ADCY6: variants seen among roughly 807,000 people sequenced by gnomAD.
ADCY6 encodes the protein adenylate cyclase 6, also known as adenylate cyclase type 6.
In ADCY6, 59 loss-of-function variants were observed where a neutral mutation model predicts 111.6. That is an observed-to-expected ratio of 0.53 (90% CI 0.43 to 0.66). The LOEUF (loss-of-function observed/expected upper bound fraction) is 0.66. Ranked by LOEUF, ADCY6 falls within the 30% of genes least tolerant of loss-of-function variation. ADCY6 has a pLI of 0.00. For synonymous variants in ADCY6, 576 were observed against 642.9 expected (o/e 0.90, Z 1.57); for missense variants, 1,242 against 1,595.6 (o/e 0.78, Z 3.78).
chr12:48,768,534 C>CA lies in ADCY6; in HGVS notation c.*56dup, dbSNP rs1160482727. On this transcript the variant is annotated 3_prime_UTR_variant, in exon 22 of 22. Transcript: ENST00000357869. ...CTGCCACAGCTCCACCCAGTGAGCA[C>CA]AGAGTCCACTCAATGCCCACCTTGG... The CA allele has an allele frequency of 5.6e-6, 9 of 1,613,036 alleles. No individual in the cohort carries two copies. The Admixed American group carries it at 1.5e-4, about 27-fold the overall frequency.
chr12:48,770,012 C>T (rs1941489734), intron 20 of ADCY6, among the ~76,000 whole-genome samples: 1 of 151,540 alleles, frequency 6.6e-6, no homozygotes, highest in African/African-American at 2.4e-5. Context: ...CCGCCTGCCT[C>T]GGACTCCCAA....
intron 21 of ADCY6, 103 bp from the exon 22 acceptor site, chr12:48,768,819 C>G: frequency 6.4e-7 from 1 of 1,554,898 alleles, no homozygotes. Context: ...CCCCCAGTCC[C>G]TGCCCCACCA....
In ADCY6 at chr12:48,783,317, T is replaced by C. The variant is rs770519268; in HGVS notation, c.118A>G (p.Thr40Ala). 2.7e-5 allele frequency: 44 copies of C among 1,613,612 alleles called. No individual in the cohort carries two copies. The highest frequency in any genetic ancestry group is 3.2e-5 in the Non-Finnish European group (38 of 1,179,914). ...CGGAGGCAGCTCATATAGCGGGGCG[T>C]GCAGAAGCCACCTGCCCGAGTGCCA... ...RRGTRAGGFC[T>A]PRYMSCLRDA... is the part of the protein sequence containing the mutation. The change falls in exon 2 of 22, where the codon ACG (threonine) becomes GCG (alanine). Residue 40 changes from threonine (T) to alanine (A), a missense_variant. Physicochemically the swap from Thr to Ala is moderately conservative, Grantham distance 58. Coordinates refer to ENST00000357869, the MANE Select transcript of ADCY6 (RefSeq NM_015270.5).
At chr12:48,789,412 C>T (rs1413674006), upstream of ADCY6, among the ~76,000 whole-genome samples, 2 of 152,042 alleles carry the variant, frequency 1.3e-5, no homozygotes, top group East Asian at 3.9e-4. Context: ...TCCGGCATTC[C>T]TCTCCCGCCC....
intron 9 of ADCY6, 120 bp from the exon 10 acceptor site, chr12:48,775,818 G>T: frequency 6.6e-7 from 1 of 1,511,228 alleles, no homozygotes; most frequent in Non-Finnish European, 9.0e-7. Context: ...TGGGGGCACT[G>T]GGACCCGAGA....
At position 48,768,719 on chromosome 12, in the gene ADCY6, G is replaced by T; in HGVS notation, c.3382-3C>A. The T allele has an allele frequency of 1.2e-6, 2 of 1,613,650 alleles. No individual in the cohort carries two copies. Among genetic ancestry groups the T allele is most frequent in the Non-Finnish European group, 1.7e-6 (2 of 1,179,642 alleles). On this transcript the variant is annotated splice_region_variant and splice_polypyrimidine_tract_variant and intron_variant, in intron 21 of 21. Coordinates refer to ENST00000357869, the MANE Select transcript of ADCY6 (RefSeq NM_015270.5). ...ACCTGGTACAGGTCCGTGGTCACCT[G>T]GGGGAGTGGGAGGGGAGCCCGCTTA... is the stretch of plus-strand genomic sequence containing the variant.
chr12:48,775,338 G>A lies in ADCY6; in HGVS notation c.1945C>T (p.Leu649=). ...QLRKDHVRRF[L]LTFQREDLEK... is the part of the protein sequence containing the mutation. ...AGATCCTCTCTCTGGAAGGTGAGCA[G>A]AAACCGGCGCACATGGTCCTTCCGC... The change falls in exon 11 of 22, where the codon CTG becomes TTG. Residue 649 remains leucine, a synonymous_variant. Transcript: ENST00000357869. 5 of 1,614,066 alleles carry A rather than the reference G, an allele frequency of 3.1e-6. No individual in the cohort carries two copies. Among genetic ancestry groups the A allele is most frequent in the Non-Finnish European group, 4.2e-6 (5 of 1,180,008 alleles).
intron 11 of ADCY6, 34 bp downstream of exon 11, chr12:48,775,269 C>G (rs140450702): frequency 3.1e-6 from 5 of 1,612,894 alleles, no homozygotes; most frequent in Non-Finnish European, 3.4e-6. Context: ...GCCCCTCCCC[C>G]AGCCCTTGTC....
chr12:48,784,665 G>GTTGTTTTTT (rs1941942783), intron 1 of ADCY6, among the ~76,000 whole-genome samples: 14 of 72,298 alleles, frequency 1.9e-4, no homozygotes, highest in African/African-American at 7.9e-4. Context: ...AAAATCTGGA[G>GTTGTTTTTT]TTTTTTTTTT....
Position 48,782,709 on chromosome 12 carries a change from A to C in ADCY6, c.726T>G (p.Pro242=). 6 of 1,592,406 alleles carry C rather than the reference A, an allele frequency of 3.8e-6. No individual in the cohort carries two copies. The highest frequency in any genetic ancestry group is 5.1e-6 in the Non-Finnish European group (6 of 1,168,696). The change falls in exon 2 of 22, where the codon CCT becomes CCG. Residue 242 remains proline (P), a synonymous_variant. Transcript: ENST00000357869. This position sits in a 1 kb window ranked among gnomAD's most constrained non-coding sequence, Gnocchi z 4.3. The stretch of plus-strand genomic sequence containing the variant: ...TGTAGGCGATGTAGACAAAGAACAC[A>C]GGGCACCAGAGGCCCGCAGAGGGGC... ...PRSPSAGLWC[P]VFFVYIAYTL...
rs747782432 is a variant in ADCY6, at chr12:48,782,808, C to T, written c.627G>A (p.Trp209Ter). The T allele has an allele frequency of 1.2e-6, 2 of 1,613,896 alleles. No individual in the cohort carries two copies. Among genetic ancestry groups the T allele is most frequent in the African/African-American group, 2.7e-5 (2 of 74,944 alleles). The change falls in exon 2 of 22, where the codon TGG becomes TGA. Residue 209 changes from tryptophan (W) to a stop codon, truncating the protein, a stop_gained. Coordinates refer to ENST00000357869, the MANE Select transcript of ADCY6 (RefSeq NM_015270.5). LOFTEE classifies it high-confidence loss of function. This position sits in a 1 kb window ranked among gnomAD's most constrained non-coding sequence, Gnocchi z 4.3. ...TGCCCAGCACCACGTAGCTCACCAC[C>T]CACATGGAGTCCTGGCGGAAGCTAT... ...NRHSFRQDSM[W>*]VVSYVVLGIL...
intron 14 of ADCY6, 76 bp downstream of exon 14, chr12:48,774,326 T>C (rs1941633694): frequency 3.5e-6 from 5 of 1,421,314 alleles, no homozygotes; most frequent in African/African-American, 1.4e-5. Flanking sequence ...TATGTCCTTT[T>C]CTCCGCTGTA....
chr12:48,768,740 G>A lies in ADCY6; in HGVS notation c.3382-24C>T, dbSNP rs544300943. The A allele has an allele frequency of 2.4e-5, 39 of 1,611,336 alleles. No homozygotes were observed. In the Admixed American group the frequency reaches 3.2e-4, roughly 13 times the overall value. ...ACCTGGGGGAGTGGGAGGGGAGCCCGCTTAGCCTGGAATCCTTCCTGCTGC... is the reference window on the plus strand; with the variant it reads ...ACCTGGGGGAGTGGGAGGGGAGCCCACTTAGCCTGGAATCCTTCCTGCTGC... On this transcript the variant is annotated intron_variant, in intron 21 of 21. Coordinates refer to ENST00000357869, the MANE Select transcript of ADCY6 (RefSeq NM_015270.5).
chr12:48,789,559 C>G (rs1472460194), upstream of ADCY6: 5 of 151,714 alleles, frequency 3.3e-5, no homozygotes, highest in East Asian at 1.0e-3. Flanking sequence ...CTCTTCATCC[C>G]CAATTCCTCC....
rs370715776 is a variant in ADCY6 at position 48,771,666 on chromosome 12, A to T, written c.3051+44T>A. The T allele has an allele frequency of 6.2e-7, 1 of 1,611,474 alleles. No individual in the cohort carries two copies. The highest frequency in any genetic ancestry group is 1.3e-5 in the African/African-American group (1 of 74,900). On this transcript the variant is annotated intron_variant, in intron 19 of 21. Coordinates refer to ENST00000357869, the MANE Select transcript of ADCY6 (RefSeq NM_015270.5). This position sits in a 1 kb window ranked among gnomAD's most constrained non-coding sequence, Gnocchi z 4.3. The stretch of plus-strand genomic sequence containing the variant: ...CACCCATTCCAATCCCTGGTCTCCA[A>T]GTACCCCCCACTCTCTGCCACCACC...
Position 48,766,517 on chromosome 12 carries a change from T to C in ADCY6, c.*2074A>G, listed in dbSNP as rs1481606588. 1 of 152,688 alleles carries C rather than the reference T, an allele frequency of 6.5e-6. No individual in the cohort carries two copies. Among genetic ancestry groups the C allele is most frequent in the African/African-American group, 2.4e-5 (1 of 41,458 alleles). 9.5% of individuals were successfully genotyped at this position (152,688 alleles called of 1,614,324 possible). On this transcript the variant is annotated 3_prime_UTR_variant, in exon 22 of 22. Transcript: ENST00000357869. ...CTCACCCCTACCCCATGGCACCAAG[T>C]AGTCTCTTCCTATCCCTTCCTATCC...
At chr12:48,773,352 C>A (rs1165845277) in intron 16 of ADCY6, 117 bp downstream of exon 16, 8 of 1,194,418 alleles carry the variant, frequency 6.7e-6, no homozygotes, top group Non-Finnish European at 7.0e-6. Flanking sequence ...CCCTTTCCCC[C>A]ACAGGGGTGT....
intron 9 of ADCY6, 34 bp from the exon 10 acceptor site, chr12:48,775,732 A>T (rs1941679885): frequency 1.2e-6 from 2 of 1,607,694 alleles, no homozygotes; most frequent in Non-Finnish European, 1.7e-6. Context: ...AGTGAGGTGA[A>T]GGGCCAACAA....
Position 48,776,188 on chromosome 12 carries a change from C to G in ADCY6, c.1677+21G>C. ...GTCCCTCTTCTTGCTCCCCTGCCCCCAGCCCTGCCCTGGCCCTGACCCGTT... is the reference window on the plus strand; with the variant it reads ...GTCCCTCTTCTTGCTCCCCTGCCCCGAGCCCTGCCCTGGCCCTGACCCGTT... On this transcript the variant is annotated intron_variant, in intron 8 of 21. Coordinates refer to ENST00000357869, the MANE Select transcript of ADCY6 (RefSeq NM_015270.5). This position sits in a 1 kb window ranked among gnomAD's most constrained non-coding sequence, Gnocchi z 6.1. The G allele has an allele frequency of 5.6e-6, 9 of 1,614,092 alleles. No individual in the cohort carries two copies. The highest frequency in any genetic ancestry group is 6.8e-6 in the Non-Finnish European group (8 of 1,180,020).
Sources: allele counts gnomAD v4.1 joint callset (sites outside exome capture counted in the v4.1 genomes callset), GRCh38; gene constraint gnomAD v4.1.1; non-coding constraint Gnocchi (gnomAD v3.1); transcripts MANE v1.5; gene names NCBI Gene and HGNC (gene_info 2026-07-23, HGNC 2026-07-21).